B4GALNT2: variants seen among roughly 807,000 people sequenced by gnomAD.
B4GALNT2 encodes beta-1,4-N-acetyl-galactosaminyltransferase 2 (SID blood group).
In B4GALNT2, 42 loss-of-function variants were observed where a neutral mutation model predicts 51.1. That is an observed-to-expected ratio of 0.82 (90% confidence interval 0.64 to 1.06). The LOEUF is 1.06. B4GALNT2 is among the 50% of genes least tolerant of loss of function. The pLI is 0.00. For missense variants in B4GALNT2, 602 were observed against 633.6 expected (o/e 0.95, Z 0.54); for synonymous variants, 253 against 251.7 (o/e 1.01, Z -0.05).
At chr17:49,123,749 C>A in the B4GALNT2 span, among the ~76,000 whole-genome samples, 1 of 152,144 alleles carries the variant, frequency 6.6e-6, no homozygotes, top group African/African-American at 2.4e-5. Context: ...GGGTTCCTGG[C>A]CTATCAGAAA....
intron 3 of B4GALNT2, among the ~76,000 whole-genome samples, chr17:49,145,659 C>T (rs1023618495): frequency 1.3e-5 from 2 of 152,094 alleles, no homozygotes; most frequent in Admixed American, 6.6e-5. Context: ...CATTTGTAGC[C>T]CTGCCTGGAT....
At chr17:49,128,725 C>A (rs1238574764), upstream of B4GALNT2, among the ~76,000 whole-genome samples, 1 of 152,064 alleles carries the variant, frequency 6.6e-6, no homozygotes, top group Non-Finnish European at 1.5e-5. Context: ...TAATTTGTAC[C>A]CGGGCCAGGC....
intron 4 of B4GALNT2, among the ~76,000 whole-genome samples, chr17:49,154,318 A>T (rs572492534): frequency 1.1e-4 from 17 of 152,208 alleles, no homozygotes; most frequent in South Asian, 1.0e-3. Context: ...CATTGTGAAA[A>T]GAATATTTAT....
intron 4 of B4GALNT2, among the ~76,000 whole-genome samples, chr17:49,154,502 GTCT>G (rs2042789336): frequency 6.6e-6 from 1 of 151,534 alleles, no homozygotes; most frequent in Non-Finnish European, 1.5e-5. Context: ...GTCCAGTGAA[GTCT>G]TCTTCTGCTT....
chr17:49,122,897 G>A, the B4GALNT2 span, among the ~76,000 whole-genome samples: 13 of 152,312 alleles, frequency 8.5e-5, no homozygotes, highest in South Asian at 2.7e-3. Context: ...TTCCCACAGG[G>A]TGGCATAGTC....
intron 5 of B4GALNT2, 88 bp from the exon 6 acceptor site, chr17:49,158,949 T>G (rs188023919): frequency 1.2e-4 from 180 of 1,453,486 alleles, no homozygotes; most frequent in Non-Finnish European, 8.5e-6. Context: ...TGCTCTGCCC[T>G]GGCTCCTGGC....
the B4GALNT2 span, among the ~76,000 whole-genome samples, chr17:49,121,208 C>T: frequency 6.6e-6 from 1 of 152,198 alleles, no homozygotes; most frequent in East Asian, 1.9e-4. Context: ...CAGGCCTGCG[C>T]AAGGCTCTGG....
chr17:49,168,209 C>T lies in B4GALNT2; in HGVS notation c.1096-472C>T, dbSNP rs911306387. Among the ~76,000 whole-genome samples the T allele has an allele frequency of 3.3e-5, 5 of 152,188 alleles. No individual in the cohort carries two copies. The South Asian group carries it at 6.2e-4, about 19-fold the overall frequency. ...CAAACATGAAAATGCACATCTCTTC[C>T]ATGAGTGCATGGATAGGCAGCTCCA... On this transcript the variant is annotated intron_variant, in intron 9 of 10. Transcript: ENST00000393354.
At position 49,142,051 on chromosome 17, in the gene B4GALNT2, C is replaced by T; in HGVS notation, c.232C>T (p.Gln78Ter). 2 of 1,614,106 alleles carry T rather than the reference C, an allele frequency of 1.2e-6. No individual in the cohort carries two copies. The highest frequency in any genetic ancestry group is 2.2e-5 in the South Asian group (2 of 91,080). Reference sequence around the variant, plus strand: ...TTGTTTCAGGCTGTTCCCGAAAAATCAGTGCAAATGTGAAGCCAACAAAGA... The same window carrying T: ...TTGTTTCAGGCTGTTCCCGAAAAATTAGTGCAAATGTGAAGCCAACAAAGA... ...YDGIWLFPKN[Q>*]CKCEANKEQG... is the part of the protein sequence containing the mutation. The change falls in exon 3 of 11, where the codon CAG becomes TAG. Residue 78 changes from glutamine to a stop codon, truncating the protein, a stop_gained. Transcript: ENST00000393354. LOFTEE classifies it high-confidence loss of function.
chr17:49,142,089 C>A lies in B4GALNT2; in HGVS notation c.270C>A (p.Tyr90Ter). Reference sequence around the variant, plus strand: ...AAGCCAACAAAGAGCAGGGAGGTTACAACTTTCAGGATGCCTATGGCCAGA... The same window carrying A: ...AAGCCAACAAAGAGCAGGGAGGTTAAAACTTTCAGGATGCCTATGGCCAGA... Reference protein sequence around the residue: ...KCEANKEQGGYNFQDAYGQSD... With the variant: ...KCEANKEQGG Residue 90 changes from tyrosine to a stop codon, truncating the protein, a stop_gained, in exon 3 of 11, where the codon TAC (tyrosine) becomes TAA (stop). Coordinates refer to ENST00000393354, the MANE Select transcript of B4GALNT2 (RefSeq NM_001159387.2). LOFTEE classifies it high-confidence loss of function. 1.2e-6 allele frequency: 2 copies of A among 1,614,136 alleles called. No individual in the cohort carries two copies. The highest frequency in any genetic ancestry group is 1.7e-6 in the Non-Finnish European group (2 of 1,180,022).
upstream of B4GALNT2, among the ~76,000 whole-genome samples, chr17:49,130,531 A>G (rs1275036989): frequency 1.3e-5 from 2 of 152,158 alleles, no homozygotes; most frequent in Non-Finnish European, 2.9e-5. Flanking sequence ...CCAGCTACTT[A>G]GGAGGCAGGG....
chr17:49,129,887 G>A (rs9889573), upstream of B4GALNT2, among the ~76,000 whole-genome samples: 80,190 of 151,784 alleles, frequency 0.53, 21,461 homozygotes, highest in Middle Eastern at 0.62. Flanking sequence ...GATGCCCTTT[G>A]GATTTAGGTG....
At position 49,159,189 on chromosome 17, in the gene B4GALNT2, G is replaced by A. The variant is rs114986987; in HGVS notation, c.651G>A (p.Thr217=). 912 of 1,614,168 alleles carry A rather than the reference G, an allele frequency of 5.6e-4. 7 individuals are homozygous for A. In the African/African-American group the frequency reaches 0.01, roughly 18 times the overall value. Residue 217 remains threonine (T), a synonymous_variant, in exon 6 of 11, where the codon ACG becomes ACA. Transcript: ENST00000393354. ...TTCAGCACGTGACATACACCAGCAC[G>A]GGGTACCAGCACCAGAAGGTAGACA... is the stretch of plus-strand genomic sequence containing the variant. ...FILQHVTYTS[T]GYQHQKVDIV...
chr17:49,126,714 A>G, the B4GALNT2 span, among the ~76,000 whole-genome samples: 2 of 120,196 alleles, frequency 1.7e-5, no homozygotes, highest in African/African-American at 6.6e-5. Context: ...TACGTTGGTT[A>G]TATTGGTGCA....
At chr17:49,147,656 G>A (rs766796811) in intron 3 of B4GALNT2, among the ~76,000 whole-genome samples, 2 of 151,890 alleles carry the variant, frequency 1.3e-5, no homozygotes, top group African/African-American at 2.4e-5. Flanking sequence ...GAATACAGGC[G>A]TGAGCCACCA....
Position 49,160,590 on chromosome 17 carries a change from C to T in B4GALNT2, c.715C>T (p.Pro239Ser), listed in dbSNP as rs774125323. The T allele has an allele frequency of 2.1e-5, 34 of 1,614,128 alleles. No homozygotes were observed. The highest frequency in any genetic ancestry group is 2.4e-5 in the Non-Finnish European group (28 of 1,180,022). The change falls in exon 7 of 11, where the codon CCA becomes TCA. Residue 239 changes from proline (P) to serine (S), a missense_variant. By Grantham distance (74) the Pro-to-Ser change is moderately conservative. Coordinates refer to ENST00000393354, the MANE Select transcript of B4GALNT2 (RefSeq NM_001159387.2). ...GTCCAGGTCCTCAGTGGCCAAGTTT[C>T]CAGTGACCATCCGCCATCCTGTCAT... Reference protein sequence around the residue: ...LESRSSVAKFPVTIRHPVIPK... With the variant: ...LESRSSVAKFSVTIRHPVIPK...
chr17:49,165,016 G>A (rs1332648194), intron 8 of B4GALNT2, among the ~76,000 whole-genome samples: 2 of 151,966 alleles, frequency 1.3e-5, no homozygotes, highest in African/African-American at 4.8e-5. Context: ...GTCTCACTGT[G>A]TTGGCCAGGT....
upstream of B4GALNT2, among the ~76,000 whole-genome samples, chr17:49,129,576 AG>A (rs563762834): frequency 3.8e-3 from 579 of 152,074 alleles, 4 homozygotes; most frequent in African/African-American, 0.014. Context: ...CAACAGTCAA[AG>A]GTTTATTTTG....
the B4GALNT2 span, among the ~76,000 whole-genome samples, chr17:49,126,964 A>G: frequency 6.6e-6 from 1 of 152,190 alleles, no homozygotes; most frequent in Admixed American, 6.5e-5. Context: ...TTGGCCTCCC[A>G]AAGTGCTGGG....
Sources: gnomAD v4.1 joint callset for allele counts (sites outside exome capture counted in the v4.1 genomes callset) on GRCh38, gnomAD v4.1.1 for gene constraint, MANE v1.5 for transcripts, NCBI Gene and HGNC (gene_info 2026-07-23, HGNC 2026-07-21) for gene names.